The following ASTN1 variants were observed in gnomAD, a reference collection of about 807,000 sequenced individuals.
ASTN1 encodes the protein astrotactin-1.
A neutral mutation model predicts 140.7 loss-of-function variants in ASTN1; 41 were observed. The observed-to-expected ratio is 0.29, with a 90% CI of 0.23 to 0.38. The LOEUF is 0.38. Ranked by LOEUF, ASTN1 falls within the 10% of genes least tolerant of loss-of-function variation. The pLI, the probability that ASTN1 is intolerant of heterozygous loss-of-function variation, is 1.00. For synonymous variants in ASTN1, 640 were observed against 652.2 expected (o/e 0.98, Z 0.29); for missense variants, 1,479 against 1,678.8 (o/e 0.88, Z 2.08).
At chr1:177,021,414 G>C (rs992089612) in intron 7 of ASTN1, among the ~76,000 whole-genome samples, 1 of 152,152 alleles carries the variant, frequency 6.6e-6, no homozygotes, top group East Asian at 1.9e-4. Flanking sequence ...GCAGCTTCCT[G>C]GCACATGGAA....
At chr1:177,042,009 G>A (rs1677000429) in intron 2 of ASTN1, among the ~76,000 whole-genome samples, 1 of 152,194 alleles carries the variant, frequency 6.6e-6, no homozygotes, top group African/African-American at 2.4e-5. Context: ...ATAGTTAGTT[G>A]GGAATAGGAG....
intron 21 of ASTN1, among the ~76,000 whole-genome samples, chr1:176,873,195 T>G (rs182509294): frequency 6.6e-6 from 1 of 152,202 alleles, no homozygotes; most frequent in African/African-American, 2.4e-5. Flanking sequence ...CATTTATGTC[T>G]GCATCAGGAA....
At chr1:177,029,438 T>C (rs755565580) in intron 5 of ASTN1, 196 bp downstream of exon 5, 6 of 757,580 alleles carry the variant, frequency 7.9e-6, no homozygotes, top group Non-Finnish European at 1.5e-5. Flanking sequence ...CTGGGAGAGA[T>C]GATTCTCTGA....
At chr1:177,041,725 C>A (rs1162829188) in intron 2 of ASTN1, among the ~76,000 whole-genome samples, 1 of 152,210 alleles carries the variant, frequency 6.6e-6, no homozygotes, top group Non-Finnish European at 1.5e-5. Flanking sequence ...GAAGAGGCAG[C>A]GGGTGCAGTA....
At chr1:177,129,073 T>C (rs1329341201) in intron 1 of ASTN1, among the ~76,000 whole-genome samples, 1 of 152,124 alleles carries the variant, frequency 6.6e-6, no homozygotes, top group East Asian at 1.9e-4. Flanking sequence ...TAGATGAAGA[T>C]GATAAACCAG....
chr1:177,126,127 C>G (rs1357889193), intron 1 of ASTN1, among the ~76,000 whole-genome samples: 1 of 152,160 alleles, frequency 6.6e-6, no homozygotes, highest in East Asian at 1.9e-4. Context: ...TTTCTTGGCT[C>G]ATTCCTTGCT....
Position 176,868,932 on chromosome 1 carries a change from T to A in ASTN1, c.3559A>T (p.Thr1187Ser). The A allele has an allele frequency of 6.2e-6, 10 of 1,612,758 alleles. 1 individual carries two copies. The Middle Eastern group carries it at 1.7e-3, about 267-fold the overall frequency. The change falls in exon 22 of 23, where the codon ACC (threonine) becomes TCC (serine). Residue 1187 changes from threonine to serine, a missense_variant. Transcript: ENST00000361833. ...YNTLLDLGSP[T>S]LHRVLYHYNQ... Reference sequence around the variant, plus strand: ...TAGTGGTAGAGGACCCGGTGTAAGGTGGGGGAACCCAGATCCAGGAGGGTG... The same window carrying A: ...TAGTGGTAGAGGACCCGGTGTAAGGAGGGGGAACCCAGATCCAGGAGGGTG...
chr1:176,973,062 A>C (rs566680411), intron 8 of ASTN1, among the ~76,000 whole-genome samples: 1 of 152,246 alleles, frequency 6.6e-6, no homozygotes, highest in South Asian at 2.1e-4. Context: ...CACCAAGATC[A>C]AGTCACTCAG....
intron 1 of ASTN1, among the ~76,000 whole-genome samples, chr1:177,127,761 A>C (rs1392457522): frequency 1.3e-5 from 2 of 152,190 alleles, no homozygotes; most frequent in Non-Finnish European, 2.9e-5. Flanking sequence ...TTTTACTTTC[A>C]AACTCTTTCT....
chr1:177,008,479 G>GAGGAATAGAGAGAGGGAGAC (rs1675109956), intron 8 of ASTN1, among the ~76,000 whole-genome samples: 1 of 130,130 alleles, frequency 7.7e-6, no homozygotes, highest in Non-Finnish European at 1.6e-5. Flanking sequence ...GAGAGAGGGA[G>GAGGAATAGAGAGAGGGAGAC]AGGAAGAGAG....
chr1:177,098,316 C>T (rs1482491508), intron 1 of ASTN1, among the ~76,000 whole-genome samples: 2 of 152,034 alleles, frequency 1.3e-5, no homozygotes, highest in Admixed American at 6.6e-5. Context: ...AAACCCCACA[C>T]ATTTGGTGTC....
chr1:176,914,649 C>T (rs761279781), intron 16 of ASTN1, among the ~76,000 whole-genome samples: 5 of 152,112 alleles, frequency 3.3e-5, no homozygotes, highest in African/African-American at 4.8e-5. Context: ...GGCACTAAAC[C>T]GAGTTAAACT....
At position 176,863,369 on chromosome 1, in the gene ASTN1, A is replaced by G; in HGVS notation, c.*915T>C. On this transcript the variant is annotated 3_prime_UTR_variant, in exon 23 of 23. Coordinates refer to ENST00000361833, the MANE Select transcript of ASTN1 (RefSeq NM_004319.3). The stretch of plus-strand genomic sequence containing the variant: ...CCAAGCCTTACCTGTCCAAGGTAAG[A>G]GGTGTGGGGGTTAAAGATAATCCAG... The G allele has an allele frequency of 1.0e-6, 1 of 985,830 alleles. No individual in the cohort carries two copies. Among genetic ancestry groups the G allele is most frequent in the Non-Finnish European group, 1.2e-6 (1 of 829,952 alleles). 61.1% of individuals were successfully genotyped at this position (985,830 alleles called of 1,614,324 possible).
chr1:176,885,032 C>A (rs985740993), intron 18 of ASTN1, among the ~76,000 whole-genome samples: 5 of 152,188 alleles, frequency 3.3e-5, no homozygotes, highest in Non-Finnish European at 7.3e-5. Context: ...ATCCTTTTCT[C>A]CAGGCCATCT....
At chr1:176,993,404 A>G (rs1674282257) in intron 8 of ASTN1, among the ~76,000 whole-genome samples, 1 of 152,204 alleles carries the variant, frequency 6.6e-6, no homozygotes, top group Non-Finnish European at 1.5e-5. Flanking sequence ...AAATTGTGAC[A>G]GCAAAAACAA....
At chr1:177,138,664 G>A (rs1682313055) in intron 1 of ASTN1, among the ~76,000 whole-genome samples, 1 of 152,130 alleles carries the variant, frequency 6.6e-6, no homozygotes, top group African/African-American at 2.4e-5. Flanking sequence ...TTTAGAAGAG[G>A]TTTTGTGAGT....
chr1:177,014,834 G>T lies in ASTN1; in HGVS notation c.1480C>A (p.His494Asn), dbSNP rs770967963. 6.2e-7 allele frequency: 1 copy of T among 1,613,864 alleles called. No individual in the cohort carries two copies. Among genetic ancestry groups the T allele is most frequent in the Non-Finnish European group, 8.5e-7 (1 of 1,179,814 alleles). ...CYEGYMKDPV[H>N]KHLCIRNEWG... is the part of the protein sequence containing the mutation. Reference sequence around the variant, plus strand: ...TCGTTCCGAATGCAAAGGTGCTTATGTACTGGATCCTTCATGTAGCCTTCA... The same window carrying T: ...TCGTTCCGAATGCAAAGGTGCTTATTTACTGGATCCTTCATGTAGCCTTCA... The change falls in exon 8 of 23, where the codon CAT becomes AAT. Residue 494 changes from histidine (H) to asparagine (N), a missense_variant. Coordinates refer to ENST00000361833, the MANE Select transcript of ASTN1 (RefSeq NM_004319.3).
intron 1 of ASTN1, among the ~76,000 whole-genome samples, chr1:177,085,661 CA>C (rs1295562468): frequency 6.6e-6 from 1 of 152,208 alleles, no homozygotes; most frequent in African/African-American, 2.4e-5. Context: ...TGCACCTGCA[CA>C]ACCCCTGCCT....
At position 176,884,307 on chromosome 1, in the gene ASTN1, C is replaced by A. The variant is rs748124885; in HGVS notation, c.3226+32G>T. The A allele has an allele frequency of 1.1e-5, 18 of 1,596,092 alleles. No homozygotes were observed. In the South Asian group the frequency reaches 1.8e-4, roughly 16 times the overall value. On this transcript the variant is annotated intron_variant, in intron 19 of 22. Transcript: ENST00000361833. ...TTGTTTTAGTTTTATCACCTTGGAT[C>A]AAGACAAGCCCATGAAGTAGAAGGT...
Sources: gnomAD v4.1 joint callset for allele counts (sites outside exome capture counted in the v4.1 genomes callset) on GRCh38, gnomAD v4.1.1 for gene constraint, MANE v1.5 for transcripts, NCBI Gene and HGNC (gene_info 2026-07-23, HGNC 2026-07-21) for gene names.